The following ARSB variants were observed in gnomAD, a reference collection of about 807,000 sequenced individuals.
The protein encoded by ARSB is N-acetylgalactosamine-4-sulfatase.
Under a neutral mutation model 50.9 loss-of-function variants are expected in ARSB, and 41 were observed. The observed-to-expected ratio is 0.81, with a 90% CI of 0.63 to 1.04. The LOEUF is 1.04. Ranked by LOEUF, ARSB falls within the 50% of genes least tolerant of loss-of-function variation. The pLI, the probability that ARSB is intolerant of heterozygous loss-of-function variation, is 0.00. For synonymous variants in ARSB, 269 were observed against 284.8 expected, an observed-to-expected ratio of 0.94 and a Z score of 0.56; for missense variants, 672 against 693.3, an observed-to-expected ratio of 0.97 and a Z score of 0.35.
chr5:78,822,888 G>A (rs1035806390), intron 6 of ARSB, among the ~76,000 whole-genome samples: 1 of 152,106 alleles, frequency 6.6e-6, no homozygotes, highest in African/African-American at 2.4e-5. Flanking sequence ...CGCCCGCCTC[G>A]GCCTCCCAAA....
chr5:78,782,680 T>C (rs1748960993), intron 6 of ARSB, among the ~76,000 whole-genome samples: 1 of 152,136 alleles, frequency 6.6e-6, no homozygotes, highest in Non-Finnish European at 1.5e-5. Flanking sequence ...AATTAAGAGG[T>C]AGAAGATAGA....
intron 4 of ARSB, among the ~76,000 whole-genome samples, chr5:78,930,444 AAAAG>A (rs1186313826): frequency 1.1e-5 from 1 of 94,424 alleles, no homozygotes; most frequent in Non-Finnish European, 2.1e-5. Flanking sequence ...AAGAAAAAGA[AAAAG>A]AAAAAAAGAT....
At chr5:78,871,867 G>C (rs1022647856) in intron 5 of ARSB, among the ~76,000 whole-genome samples, 4 of 139,320 alleles carry the variant, frequency 2.9e-5, no homozygotes, top group African/African-American at 5.0e-5. Context: ...ACTACCATCA[G>C]AGTGAACAGG....
chr5:78,903,810 T>C (rs1748908869), intron 4 of ARSB, among the ~76,000 whole-genome samples: 1 of 152,234 alleles, frequency 6.6e-6, no homozygotes, highest in Non-Finnish European at 1.5e-5. Context: ...GTCATGAAGA[T>C]ATATTAACCA....
At chr5:78,815,418 C>T (rs1368634711) in intron 6 of ARSB, 1 of 564,662 alleles carries the variant, frequency 1.8e-6, no homozygotes, top group African/African-American at 2.1e-5. Context: ...GAGCAGGCCA[C>T]AAAGACAAAT....
At chr5:78,787,969 A>C (rs1749136192) in intron 6 of ARSB, among the ~76,000 whole-genome samples, 1 of 152,196 alleles carries the variant, frequency 6.6e-6, no homozygotes, top group Non-Finnish European at 1.5e-5. Flanking sequence ...GGCCAAAGGA[A>C]AACAGCAAAC....
chr5:78,895,003 T>G (rs1748497531), intron 4 of ARSB, among the ~76,000 whole-genome samples: 1 of 152,098 alleles, frequency 6.6e-6, no homozygotes, highest in Non-Finnish European at 1.5e-5. Flanking sequence ...GACAAAGGGA[T>G]GAACAGCCAA....
rs2112616398 is a variant in ARSB at position 78,779,903 on chromosome 5, G to A, written c.*494C>T. On this transcript the variant is annotated 3_prime_UTR_variant, in exon 8 of 8. Coordinates refer to ENST00000264914, the MANE Select transcript of ARSB (RefSeq NM_000046.5). ...TAAGTGAGTAAGGGGTGAACCAAGA[G>A]GGGTGGTTCACTTGGAGTGCCTGAA... is the stretch of plus-strand genomic sequence containing the variant. 1 of 191,488 alleles carries A rather than the reference G, an allele frequency of 5.2e-6. No homozygotes were observed. The highest frequency in any genetic ancestry group is 2.4e-5 in the African/African-American group (1 of 42,472). 11.9% of individuals were successfully genotyped at this position (191,488 alleles called of 1,614,324 possible). A position where few individuals can be genotyped will look rare whatever the true frequency, so the allele number is the denominator to read the frequency against.
At chr5:78,808,641 C>T (rs1347164548) in intron 6 of ARSB, among the ~76,000 whole-genome samples, 1 of 152,164 alleles carries the variant, frequency 6.6e-6, no homozygotes, top group Non-Finnish European at 1.5e-5. Flanking sequence ...CACCTCCCCG[C>T]ACACAGAAGC....
chr5:78,849,778 T>A (rs1745659304), intron 5 of ARSB, among the ~76,000 whole-genome samples: 1 of 146,490 alleles, frequency 6.8e-6, no homozygotes, highest in African/African-American at 2.5e-5. Flanking sequence ...GTCCTTCACA[T>A]CCCTTGTAAG....
rs755037325 is a variant in ARSB, at chr5:78,781,991, T to C, written c.1214-17A>G. The stretch of plus-strand genomic sequence containing the variant: ...TCCTGGGACCTGGGAAGAAATAGTT[T>C]GAAAGAATTAGATCACTGTTATTGG... On this transcript the variant is annotated splice_polypyrimidine_tract_variant and intron_variant, in intron 6 of 7. Transcript: ENST00000264914. The C allele has an allele frequency of 1.2e-6, 2 of 1,614,054 alleles. No individual in the cohort carries two copies. Among genetic ancestry groups the C allele is most frequent in the Non-Finnish European group, 1.7e-6 (2 of 1,179,910 alleles).
At chr5:78,958,428 G>A (rs111670511) in intron 3 of ARSB, among the ~76,000 whole-genome samples, 4,691 of 152,074 alleles carry the variant, frequency 0.031, 150 homozygotes, top group African/African-American at 0.081. Context: ...CTTGAACAAT[G>A]ACCAGGGAAA....
chr5:78,834,628 T>TATATATA (rs1189309501), intron 6 of ARSB, among the ~76,000 whole-genome samples: 5 of 129,338 alleles, frequency 3.9e-5, no homozygotes, highest in Admixed American at 1.5e-4. Flanking sequence ...TATATATATA[T>TATATATA]ATATATATAT....
chr5:78,905,615 GGGCAGTGGTTCACAT>G (rs887590501), intron 4 of ARSB, among the ~76,000 whole-genome samples: 1 of 152,058 alleles, frequency 6.6e-6, no homozygotes, highest in African/African-American at 2.4e-5. Flanking sequence ...TCTAGGACCT[GGGCAGTGGTTCACAT>G]GGCAGTTGAG....
At chr5:78,911,692 C>A (rs1054524506) in intron 4 of ARSB, among the ~76,000 whole-genome samples, 2 of 146,898 alleles carry the variant, frequency 1.4e-5, no homozygotes, top group African/African-American at 2.6e-5. Flanking sequence ...AACCTGCCTA[C>A]AAGGTGTTCT....
chr5:78,874,500 A>G (rs1747396277), intron 5 of ARSB, among the ~76,000 whole-genome samples: 1 of 152,180 alleles, frequency 6.6e-6, no homozygotes, highest in Non-Finnish European at 1.5e-5. Context: ...TAAGTAAGAA[A>G]AAAGGGACTA....
At chr5:78,905,910 C>CA (rs57651882) in intron 4 of ARSB, among the ~76,000 whole-genome samples, 9,468 of 93,686 alleles carry the variant, frequency 0.1, 815 homozygotes, top group Non-Finnish European at 0.15. Context: ...AGCAAAGTAG[C>CA]AAAAAAAAAA....
chr5:78,950,269 G>A (rs1269559053), intron 4 of ARSB, among the ~76,000 whole-genome samples: 3 of 152,140 alleles, frequency 2.0e-5, no homozygotes, highest in Admixed American at 2.0e-4. Context: ...TGGACAGACA[G>A]CTTATAATGC....
intron 6 of ARSB, among the ~76,000 whole-genome samples, chr5:78,822,658 G>A (rs1022943702): frequency 6.6e-6 from 1 of 152,124 alleles, no homozygotes; most frequent in East Asian, 1.9e-4. Flanking sequence ...TGTTTTTTGA[G>A]ACGGAGTCTT....
Sources: gnomAD v4.1 joint callset for allele counts (sites outside exome capture counted in the v4.1 genomes callset) on GRCh38, gnomAD v4.1.1 for gene constraint, MANE v1.5 for transcripts, NCBI Gene and HGNC (gene_info 2026-07-23, HGNC 2026-07-21) for gene names.